Variants in PPFIBP1 observed in about 807,000 individuals in gnomAD.
PPFIBP1 encodes PPFIB scaffold protein 1.
Under a neutral mutation model 137.8 loss-of-function variants are expected in PPFIBP1, and 112 were observed. The ratio of observed to expected loss-of-function variants is 0.81; its 90% CI spans 0.70 to 0.95. The LOEUF is 0.95. PPFIBP1 is among the 40% of genes least tolerant of loss of function. PPFIBP1 has a pLI of 0.00. For synonymous variants in PPFIBP1, 378 were observed against 417.3 expected (o/e 0.91, Z 1.15); for missense variants, 1,083 against 1,196.6 (o/e 0.91, Z 1.40).
At chr12:27,673,913 T>C (rs983886964) in intron 16 of PPFIBP1, 86 bp downstream of exon 16, 10 of 1,187,974 alleles carry the variant, frequency 8.4e-6, no homozygotes, top group Admixed American at 2.1e-5. Flanking sequence ...TTTTTGCAAA[T>C]AAAACTCTTA....
At chr12:27,592,036 G>GA (rs1472412247) in intron 2 of PPFIBP1, among the ~76,000 whole-genome samples, 3 of 152,206 alleles carry the variant, frequency 2.0e-5, no homozygotes, top group Non-Finnish European at 4.4e-5. Context: ...TGAGAGGAGA[G>GA]AAAAAGAATA....
intron 1 of PPFIBP1, among the ~76,000 whole-genome samples, chr12:27,568,793 T>C (rs1189956545): frequency 6.6e-6 from 1 of 152,248 alleles, no homozygotes; most frequent in African/African-American, 2.4e-5. Flanking sequence ...CAACCATGAA[T>C]GAACCCAGGG....
chr12:27,634,397 A>G (rs530975511), intron 3 of PPFIBP1, among the ~76,000 whole-genome samples: 5 of 152,250 alleles, frequency 3.3e-5, no homozygotes, highest in Admixed American at 3.3e-4. Flanking sequence ...CCAACCAGAT[A>G]TCTGTCCAGA....
At chr12:27,573,764 C>T (rs923784173) in intron 1 of PPFIBP1, among the ~76,000 whole-genome samples, 1 of 152,182 alleles carries the variant, frequency 6.6e-6, no homozygotes, top group African/African-American at 2.4e-5. Context: ...GGAAGTACTA[C>T]TTGAAACCAG....
rs1357440703 is a variant in PPFIBP1, at chr12:27,689,140, C to A, written c.2622C>A (p.His874Gln). The change falls in exon 27 of 30, where the codon CAC becomes CAA. Residue 874 changes from histidine (H) to glutamine (Q), a missense_variant. Transcript: ENST00000228425. Reference sequence around the variant, plus strand: ...TTCTGATTGGGGCTGAGGCACAGCACCAGAAGCGAGATGCCATGGAGCTGC... The same window carrying A: ...TTCTGATTGGGGCTGAGGCACAGCAACAGAAGCGAGATGCCATGGAGCTGC... ...FNLLIGAEAQ[H>Q]QKRDAMELPD... 1.3e-6 allele frequency: 2 copies of A among 1,596,142 alleles called. No individual in the cohort carries two copies. The highest frequency in any genetic ancestry group is 2.7e-5 in the African/African-American group (2 of 73,508).
chr12:27,567,413 A>T (rs1158225021), intron 1 of PPFIBP1, among the ~76,000 whole-genome samples: 1 of 152,242 alleles, frequency 6.6e-6, no homozygotes, highest in Non-Finnish European at 1.5e-5. Context: ...TGGCATAGAA[A>T]TTCCTCTCCC....
At chr12:27,664,582 T>TA (rs1430688961) in intron 12 of PPFIBP1, 136 bp downstream of exon 12, 1 of 656,528 alleles carries the variant, frequency 1.5e-6, no homozygotes, top group Admixed American at 2.4e-5. Context: ...ATTGAACAAT[T>TA]AGGCAACTGT....
chr12:27,650,260 T>C, intron 7 of PPFIBP1, 119 bp downstream of exon 7: 2 of 744,118 alleles, frequency 2.7e-6, no homozygotes, highest in South Asian at 7.7e-5. Context: ...AGGAAGGCAG[T>C]TAATTACTAC....
chr12:27,655,081 C>T (rs555426570), intron 8 of PPFIBP1: 28 of 1,273,718 alleles, frequency 2.2e-5, no homozygotes, highest in African/African-American at 8.9e-5. Flanking sequence ...ACTGTTTTCT[C>T]GGTTATTTAG....
At chr12:27,541,979 T>C (rs1245169889) in intron 1 of PPFIBP1, among the ~76,000 whole-genome samples, 3 of 152,074 alleles carry the variant, frequency 2.0e-5, no homozygotes, top group Non-Finnish European at 4.4e-5. Context: ...TTGACTGGAA[T>C]CCCTACATAG....
At chr12:27,563,330 G>A (rs555542729) in intron 1 of PPFIBP1, among the ~76,000 whole-genome samples, 15 of 142,382 alleles carry the variant, frequency 1.1e-4, no homozygotes, top group African/African-American at 3.1e-4. Context: ...GGTGGCCAGC[G>A]CCTGTGGTCC....
At chr12:27,624,613 C>T (rs913699649) in intron 2 of PPFIBP1, among the ~76,000 whole-genome samples, 2 of 152,170 alleles carry the variant, frequency 1.3e-5, no homozygotes, top group South Asian at 2.1e-4. Flanking sequence ...CTAGCTTTGC[C>T]TCTTTGTATT....
At chr12:27,653,525 C>T (rs1333266235) in intron 7 of PPFIBP1, among the ~76,000 whole-genome samples, 1 of 143,392 alleles carries the variant, frequency 7.0e-6, no homozygotes, top group East Asian at 2.2e-4. Context: ...AGGCGAAGGT[C>T]GCGGTGAGCT....
chr12:27,682,566 A>C, intron 23 of PPFIBP1, 49 bp from the exon 24 acceptor site: 1 of 1,611,564 alleles, frequency 6.2e-7, no homozygotes, highest in Non-Finnish European at 8.5e-7. Context: ...TTTAATCACA[A>C]GAACAGATGT....
At chr12:27,662,675 C>G (rs1012078345) in intron 11 of PPFIBP1, among the ~76,000 whole-genome samples, 2 of 152,102 alleles carry the variant, frequency 1.3e-5, no homozygotes, top group Admixed American at 6.5e-5. Flanking sequence ...GAAATCCAAG[C>G]ACAGACTCAA....
At chr12:27,687,626 C>T (rs1593393166) in intron 25 of PPFIBP1, 119 bp downstream of exon 25, 2 of 1,203,236 alleles carry the variant, frequency 1.7e-6, no homozygotes, top group Non-Finnish European at 2.3e-6. Context: ...AATCCAGCCT[C>T]ATTTACTTCT....
chr12:27,585,348 T>G (rs186591833), intron 2 of PPFIBP1, among the ~76,000 whole-genome samples: 73 of 152,348 alleles, frequency 4.8e-4, no homozygotes, highest in Admixed American at 4.6e-3. Context: ...GCTTTTCCAC[T>G]CAGGAAACAT....
intron 2 of PPFIBP1, among the ~76,000 whole-genome samples, chr12:27,600,405 C>T (rs1249190537): frequency 6.7e-6 from 1 of 150,030 alleles, no homozygotes; most frequent in Non-Finnish European, 1.5e-5. Flanking sequence ...CACTGCACTC[C>T]AGCCTGGGCA....
intron 1 of PPFIBP1, among the ~76,000 whole-genome samples, chr12:27,549,921 G>A (rs1227002425): frequency 3.3e-5 from 5 of 152,186 alleles, no homozygotes; most frequent in African/African-American, 4.8e-5. Flanking sequence ...CGCCTCTTTC[G>A]TAAGCTGATG....
Sources: gnomAD v4.1 joint callset for allele counts (sites outside exome capture counted in the v4.1 genomes callset) on GRCh38, gnomAD v4.1.1 for gene constraint, MANE v1.5 for transcripts, NCBI Gene and HGNC (gene_info 2026-07-23, HGNC 2026-07-21) for gene names.